Variants in NR3C2 observed in about 807,000 individuals in gnomAD.
The protein encoded by NR3C2 is mineralocorticoid receptor.
Under a neutral mutation model 86.4 loss-of-function variants are expected in NR3C2, and 15 were observed. That is an observed-to-expected ratio of 0.17 (90% confidence interval 0.12 to 0.27). The LOEUF (loss-of-function observed/expected upper bound fraction) is 0.27, where lower values mean the gene tolerates loss of function less well. Among genes scored for constraint, NR3C2 ranks in the 10% least tolerant of loss-of-function variants. NR3C2 has a pLI of 1.00. For missense variants in NR3C2, 960 were observed against 1,195.6 expected (o/e 0.80, Z 2.91); for synonymous variants, 458 against 450.5 (o/e 1.02, Z -0.21).
chr4:148,240,665 C>G (rs1163688086), intron 3 of NR3C2, among the ~76,000 whole-genome samples: 1 of 152,114 alleles, frequency 6.6e-6, no homozygotes, highest in African/African-American at 2.4e-5. Context: ...CTATAGCTCC[C>G]CATTATAGGA....
At chr4:148,439,661 T>C (rs2083404520) in intron 1 of NR3C2, among the ~76,000 whole-genome samples, 1 of 152,232 alleles carries the variant, frequency 6.6e-6, no homozygotes, top group South Asian at 2.1e-4. Context: ...AATTTCCCTA[T>C]ATAAATTTGC....
chr4:148,408,335 A>G (rs13129427), intron 2 of NR3C2, among the ~76,000 whole-genome samples: 2 of 152,186 alleles, frequency 1.3e-5, no homozygotes, highest in African/African-American at 2.4e-5. Context: ...CTGATAAAAA[A>G]CAAAAATATG....
intron 2 of NR3C2, among the ~76,000 whole-genome samples, chr4:148,428,098 G>T (rs1749637184): frequency 1.3e-5 from 2 of 152,172 alleles, no homozygotes; most frequent in Admixed American, 1.3e-4. Flanking sequence ...TGAATCAAGT[G>T]GTCTAAGTAT....
intron 2 of NR3C2, among the ~76,000 whole-genome samples, chr4:148,360,449 G>GTATTAA (rs1745782518): frequency 6.6e-6 from 1 of 152,116 alleles, no homozygotes; most frequent in Non-Finnish European, 1.5e-5. Flanking sequence ...TATGCTCTGT[G>GTATTAA]TATTAAAGGC....
chr4:148,103,973 A>C (rs951177906), intron 8 of NR3C2, among the ~76,000 whole-genome samples: 13 of 152,192 alleles, frequency 8.5e-5, no homozygotes, highest in African/African-American at 2.9e-4. Flanking sequence ...ATTATTAATT[A>C]TATTTGTTGC....
chr4:148,331,922 T>C (rs529622227), intron 2 of NR3C2, among the ~76,000 whole-genome samples: 2 of 152,208 alleles, frequency 1.3e-5, no homozygotes, highest in Non-Finnish European at 2.9e-5. Context: ...AGTAAGAGTA[T>C]CTGCTTTATA....
intron 1 of NR3C2, among the ~76,000 whole-genome samples, chr4:148,441,831 T>A (rs972035305): frequency 2.6e-5 from 4 of 152,202 alleles, no homozygotes; most frequent in African/African-American, 9.6e-5. Flanking sequence ...GAAATATTAT[T>A]CAAACGTCCT....
chr4:148,281,305 C>G (rs543983630), intron 2 of NR3C2, among the ~76,000 whole-genome samples: 4 of 152,256 alleles, frequency 2.6e-5, no homozygotes, highest in Non-Finnish European at 4.4e-5. Flanking sequence ...CAGGGAAAAC[C>G]GTTTAAACTG....
chr4:148,299,359 C>T (rs1276378469), intron 2 of NR3C2, among the ~76,000 whole-genome samples: 1 of 152,150 alleles, frequency 6.6e-6, no homozygotes, highest in Non-Finnish European at 1.5e-5. Flanking sequence ...GAAACTGCAT[C>T]CCCAACCCTG....
At chr4:148,337,420 T>C (rs1187118735) in intron 2 of NR3C2, among the ~76,000 whole-genome samples, 1 of 152,236 alleles carries the variant, frequency 6.6e-6, no homozygotes, top group African/African-American at 2.4e-5. Context: ...TTATTATTCC[T>C]GACATTCATA....
chr4:148,266,770 G>A (rs1740417306), intron 2 of NR3C2, among the ~76,000 whole-genome samples: 1 of 152,212 alleles, frequency 6.6e-6, no homozygotes, highest in Non-Finnish European at 1.5e-5. Flanking sequence ...GGGCACACCA[G>A]CCAAAGAAGC....
chr4:148,315,103 G>A lies in NR3C2; in HGVS notation c.1758-54986C>T, dbSNP rs558604665. On this transcript the variant is annotated intron_variant, in intron 2 of 8. Transcript: ENST00000358102. ...AAAACAGCTTTTGCAGTATGTCATG[G>A]GACCAGAATAGTTTGGGCCAGCACT... is the stretch of plus-strand genomic sequence containing the variant. Among the ~76,000 whole-genome samples the A allele has an allele frequency of 9.2e-5, 14 of 152,226 alleles. No homozygotes were observed. In the South Asian group the frequency reaches 2.7e-3, roughly 29 times the overall value.
chr4:148,290,075 G>C (rs962621068), intron 2 of NR3C2, among the ~76,000 whole-genome samples: 5 of 152,132 alleles, frequency 3.3e-5, no homozygotes, highest in Non-Finnish European at 5.9e-5. Flanking sequence ...AATTTCTGGA[G>C]GCTAGAAATG....
intron 2 of NR3C2, among the ~76,000 whole-genome samples, chr4:148,364,192 G>A (rs1283474012): frequency 1.3e-5 from 2 of 152,068 alleles, no homozygotes; most frequent in African/African-American, 4.8e-5. Flanking sequence ...CTTCCCTCCT[G>A]CCATTTCTTA....
intron 8 of NR3C2, among the ~76,000 whole-genome samples, chr4:148,089,182 G>A (rs1665555293): frequency 6.6e-6 from 1 of 152,158 alleles, no homozygotes; most frequent in African/African-American, 2.4e-5. Flanking sequence ...TCTCATCAGG[G>A]AAAAAACTGT....
chr4:148,380,643 G>A (rs1338989017), intron 2 of NR3C2, among the ~76,000 whole-genome samples: 4 of 152,104 alleles, frequency 2.6e-5, no homozygotes, highest in Non-Finnish European at 2.9e-5. Context: ...CTTAGTGGGC[G>A]CGAAGTGGTA....
intron 6 of NR3C2, 189 bp downstream of exon 6, chr4:148,152,280 G>A: frequency 1.7e-6 from 1 of 576,666 alleles, no homozygotes; most frequent in East Asian, 3.1e-5. Context: ...TATACACTCA[G>A]AAGCATACAG....
chr4:148,185,509 A>G (rs1735849145), intron 4 of NR3C2, among the ~76,000 whole-genome samples: 1 of 152,152 alleles, frequency 6.6e-6, no homozygotes, highest in South Asian at 2.1e-4. Context: ...AGTTTTTTGA[A>G]CTACTTTTTT....
At chr4:148,326,234 C>CA (rs11381917) in intron 2 of NR3C2, among the ~76,000 whole-genome samples, 75,681 of 133,514 alleles carry the variant, frequency 0.57, 22,954 homozygotes, top group Non-Finnish European at 0.68. Flanking sequence ...ACTAAAAATA[C>CA]AAAAAAAAAA....
Sources: allele counts gnomAD v4.1 joint callset (sites outside exome capture counted in the v4.1 genomes callset), GRCh38; gene constraint gnomAD v4.1.1; transcripts MANE v1.5; gene names NCBI Gene and HGNC (gene_info 2026-07-23, HGNC 2026-07-21).